C1orf52: variants seen among roughly 807,000 people sequenced by gnomAD.
The protein encoded by C1orf52 is UPF0690 protein C1orf52.
C1orf52 carries 5 observed loss-of-function variants against 17.2 expected under a neutral mutation model. The ratio of observed to expected loss-of-function variants is 0.29; its 90% CI spans 0.15 to 0.61. The LOEUF (loss-of-function observed/expected upper bound fraction) is 0.61, where lower values mean the gene tolerates loss of function less well. Among genes scored for constraint, C1orf52 ranks in the 20% least tolerant of loss-of-function variants. The pLI is 0.85. For missense variants in C1orf52, 245 were observed against 234.1 expected (o/e 1.05, Z -0.30); for synonymous variants, 110 against 88.0 (o/e 1.25, Z -1.40).
intron 2 of C1orf52, among the ~76,000 whole-genome samples, chr1:85,256,013 T>C (rs1212395753): frequency 6.6e-6 from 1 of 152,200 alleles, no homozygotes; most frequent in Non-Finnish European, 1.5e-5. Flanking sequence ...TGGTGTATAA[T>C]CCTGGTTTTT....
rs1375729156 is a variant in C1orf52 at position 85,252,375 on chromosome 1, A to C, written c.*254T>G. 2.3e-6 allele frequency: 1 copy of C among 427,228 alleles called. No homozygotes were observed. The highest frequency in any genetic ancestry group is 4.2e-5 in the Admixed American group (1 of 24,012). 26.5% of individuals were successfully genotyped at this position (427,228 alleles called of 1,614,324 possible). A position where few individuals can be genotyped will look rare whatever the true frequency, so the allele number is the denominator to read the frequency against. On this transcript the variant is annotated 3_prime_UTR_variant, in exon 3 of 3. Transcript: ENST00000471115. The stretch of plus-strand genomic sequence containing the variant: ...GACAAAACTCTCAAAGCATGTCACC[A>C]ATTCTGTGAGAGCAAGAATGCATCC...
Position 85,258,608 on chromosome 1 carries a change from T to C in C1orf52, c.391A>G (p.Ile131Val), listed in dbSNP as rs199632342. The change falls in exon 2 of 3, where the codon ATA becomes GTA. Residue 131 changes from isoleucine to valine, a missense_variant. By Grantham distance (29) the Ile-to-Val change is conservative. Transcript: ENST00000471115. Reference protein sequence around the residue: ...ELDMAIKWSNIYEDNGDDAPQ... With the variant: ...ELDMAIKWSNVYEDNGDDAPQ... ...GCATCATCACCATTGTCCTCATATA[T>C]GTTAGACCATTTTATTGCCATGTCA... 2.5e-6 allele frequency: 4 copies of C among 1,614,170 alleles called. No homozygotes were observed. The highest frequency in any genetic ancestry group is 1.7e-5 in the Admixed American group (1 of 60,024).
At chr1:85,255,383 C>T (rs1659911398) in intron 2 of C1orf52, among the ~76,000 whole-genome samples, 1 of 152,174 alleles carries the variant, frequency 6.6e-6, no homozygotes, top group South Asian at 2.1e-4. Flanking sequence ...AACCCCATCT[C>T]CACTAAAAAT....
rs1659815734 is a variant in C1orf52 at position 85,252,168 on chromosome 1, C to G, written c.*461G>C. Reference sequence around the variant, plus strand: ...AGGGTACTTGTCACAGACAAACATTCAAATGTTAATGTTATACAGTAATAG... The same window carrying G: ...AGGGTACTTGTCACAGACAAACATTGAAATGTTAATGTTATACAGTAATAG... On this transcript the variant is annotated 3_prime_UTR_variant, in exon 3 of 3. Transcript: ENST00000471115. 6.5e-6 allele frequency: 1 copy of G among 152,754 alleles called. No homozygotes were observed. Among genetic ancestry groups the G allele is most frequent in the South Asian group, 2.1e-4 (1 of 4,832 alleles). The allele number at this position is 152,754 out of a possible 1,614,324, so 9.5% of individuals were successfully genotyped here.
At chr1:85,255,355 C>A in intron 2 of C1orf52, among the ~76,000 whole-genome samples, 1 of 151,890 alleles carries the variant, frequency 6.6e-6, no homozygotes. Context: ...ATCGAGACCA[C>A]CCTGGCCAAC....
chr1:85,258,680 G>T lies in C1orf52; in HGVS notation c.319C>A (p.Pro107Thr), dbSNP rs201271527. 8.7e-6 allele frequency: 14 copies of T among 1,607,258 alleles called. 1 individual carries two copies. The Admixed American group carries it at 2.2e-4, about 25-fold the overall frequency. ...TTCTCAGTGGTGTAGGTCTCAGGAGGTGGTACATAATTTGACTTCCATATT... is the reference window on the plus strand; with the variant it reads ...TTCTCAGTGGTGTAGGTCTCAGGAGTTGGTACATAATTTGACTTCCATATT... Reference protein sequence around the residue: ...FKIWKSNYVPPPETYTTEKKP... With the variant: ...FKIWKSNYVPTPETYTTEKKP... The change falls in exon 2 of 3, where the codon CCT becomes ACT. Residue 107 changes from proline (P) to threonine (T), a missense_variant. Physicochemically the swap from Pro to Thr is conservative, Grantham distance 38. Coordinates refer to ENST00000471115, the MANE Select transcript of C1orf52 (RefSeq NM_198077.4).
chr1:85,252,766 A>G (rs1236504180), intron 2 of C1orf52, 64 bp from the exon 3 acceptor site: 1 of 1,131,866 alleles, frequency 8.8e-7, no homozygotes, highest in African/African-American at 1.6e-5. Context: ...TTAAGCATTA[A>G]AATTTCACTG....
intron 1 of C1orf52, 102 bp from the exon 2 acceptor site, chr1:85,258,824 C>CT (rs890915768): frequency 2.5e-4 from 351 of 1,392,344 alleles, no homozygotes; most frequent in Non-Finnish European, 3.0e-4. Flanking sequence ...TTCAGGCTGA[C>CT]TTTTTTTTTC....
chr1:85,252,516 T>C lies in C1orf52; in HGVS notation c.*113A>G. On this transcript the variant is annotated 3_prime_UTR_variant, in exon 3 of 3. Transcript: ENST00000471115. ...TCTTGAGGCAATACTTATTAGTTCA[T>C]TAACGTATGCATTTTCATGGAGATG... 1 of 809,334 alleles carries C rather than the reference T, an allele frequency of 1.2e-6. No individual in the cohort carries two copies. The highest frequency in any genetic ancestry group is 1.6e-5 in the South Asian group (1 of 63,664). 50.1% of individuals were successfully genotyped at this position (809,334 alleles called of 1,614,324 possible). A position where few individuals can be genotyped will look rare whatever the true frequency, so the allele number is the denominator to read the frequency against.
In C1orf52 at chr1:85,250,734, T is replaced by C. The variant is rs1659781259; in HGVS notation, c.*1895A>G. The C allele has an allele frequency of 6.6e-6, 1 of 152,228 alleles. No individual in the cohort carries two copies. The highest frequency in any genetic ancestry group is 1.5e-5 in the Non-Finnish European group (1 of 68,046). The allele number at this position is 152,228 out of a possible 1,614,324, so 9.4% of individuals were successfully genotyped here. On this transcript the variant is annotated 3_prime_UTR_variant, in exon 3 of 3. Transcript: ENST00000471115. ...CTGAGATATTTGCTCCACCAACACA[T>C]GCATCCAAATTTTAGATTTCTCCAG...
At chr1:85,256,814 A>AGAAAAG (rs1553178012) in intron 2 of C1orf52, among the ~76,000 whole-genome samples, 1 of 108,180 alleles carries the variant, frequency 9.2e-6, no homozygotes, top group South Asian at 2.8e-4. Context: ...AAAAAAAAAA[A>AGAAAAG]AAAAGAAAAG....
rs1386952927 is a variant in C1orf52 at position 85,252,125 on chromosome 1, A to T, written c.*504T>A. 1.3e-5 allele frequency: 2 copies of T among 152,754 alleles called. No homozygotes were observed. Among genetic ancestry groups the T allele is most frequent in the Non-Finnish European group, 2.9e-5 (2 of 68,162 alleles). The allele number at this position is 152,754 out of a possible 1,614,324, so 9.5% of individuals were successfully genotyped here. On this transcript the variant is annotated 3_prime_UTR_variant, in exon 3 of 3. Transcript: ENST00000471115. Reference sequence around the variant, plus strand: ...TGGTAATACTTCTTATTACAACTTAAAATGTCACACGACAAATAGGGTACT... The same window carrying T: ...TGGTAATACTTCTTATTACAACTTATAATGTCACACGACAAATAGGGTACT...
chr1:85,259,309 G>C (rs773762319), intron 1 of C1orf52, 49 bp downstream of exon 1: 2 of 1,585,472 alleles, frequency 1.3e-6, no homozygotes, highest in African/African-American at 2.7e-5. Context: ...TCAGGAGAAA[G>C]GGGGCGCAGG....
chr1:85,254,680 C>T (rs1047891803), intron 2 of C1orf52, among the ~76,000 whole-genome samples: 2 of 152,216 alleles, frequency 1.3e-5, no homozygotes, highest in African/African-American at 2.4e-5. Flanking sequence ...CGTGAGCCAC[C>T]GCACCCGGCA....
chr1:85,254,202 G>A (rs571047526), intron 2 of C1orf52, among the ~76,000 whole-genome samples: 8 of 152,198 alleles, frequency 5.3e-5, no homozygotes, highest in East Asian at 1.9e-4. Context: ...AGCACAGCAC[G>A]GTGATGTTAT....
At chr1:85,252,746 ACC>A (rs1659830595) in intron 2 of C1orf52, 44 bp from the exon 3 acceptor site, 1 of 1,416,972 alleles carries the variant, frequency 7.1e-7, no homozygotes, top group East Asian at 2.3e-5. Context: ...ATTTTAAAAA[ACC>A]CAACATGTTA....
rs995297985 is a variant in C1orf52, at chr1:85,252,891, A to AT, written c.476-190dup. 3.3e-3 allele frequency among the ~76,000 whole-genome samples: 499 copies of AT among 150,754 alleles called. 3 individuals carry two copies. Among genetic ancestry groups the AT allele is most frequent in the African/African-American group, 0.011 (461 of 41,166 alleles). ...TTTTAAATGCAAGTGAAAGTGAGCA[A>AT]TTTTTTTTTTCAATTGCAGCCATAC... is the stretch of plus-strand genomic sequence containing the variant. On this transcript the variant is annotated intron_variant, in intron 2 of 2. Coordinates refer to ENST00000471115, the MANE Select transcript of C1orf52 (RefSeq NM_198077.4).
intron 2 of C1orf52, among the ~76,000 whole-genome samples, chr1:85,256,851 ATAT>A (rs1257437781): frequency 6.6e-6 from 1 of 151,946 alleles, no homozygotes; most frequent in Non-Finnish European, 1.5e-5. Context: ...ACAATATGAG[ATAT>A]TATAAATGTT....
intron 2 of C1orf52, among the ~76,000 whole-genome samples, chr1:85,258,120 C>CA (rs1435658396): frequency 3.0e-4 from 27 of 89,166 alleles, no homozygotes; most frequent in African/African-American, 7.0e-4. Flanking sequence ...AATGCTGTCT[C>CA]AAAAAAAAAG....
Sources: gnomAD v4.1 joint callset for allele counts (sites outside exome capture counted in the v4.1 genomes callset) on GRCh38, gnomAD v4.1.1 for gene constraint, MANE v1.5 for transcripts, NCBI Gene and HGNC (gene_info 2026-07-23, HGNC 2026-07-21) for gene names.